The following PODNL1 variants were observed in gnomAD, a reference collection of about 807,000 sequenced individuals.
PODNL1 encodes podocan like 1.
PODNL1 carries 50 observed loss-of-function variants against 45.1 expected under a neutral mutation model. The ratio of observed to expected loss-of-function variants is 1.11; its 90% CI spans 0.88 to 1.40. The LOEUF is 1.40. Among genes scored for constraint, PODNL1 ranks in the 40% most tolerant of loss-of-function variants. The pLI is 0.00. For synonymous variants in PODNL1, 406 were observed against 372.5 expected, an observed-to-expected ratio of 1.09 and a Z score of -1.04; for missense variants, 788 against 793.3, an observed-to-expected ratio of 0.99 and a Z score of 0.08.
chr19:13,934,767 C>T lies in PODNL1; in HGVS notation c.495-357G>A, dbSNP rs1972220206. Among the ~76,000 whole-genome samples the T allele has an allele frequency of 3.3e-5, 5 of 151,412 alleles. No homozygotes were observed. The South Asian group carries it at 8.3e-4, about 25-fold the overall frequency. The stretch of plus-strand genomic sequence containing the variant: ...GTATATGCAAGTGTGTGCTATGTGC[C>T]TGTGCATAAGTGTGCATGGGTGAGT... On this transcript the variant is annotated intron_variant, in intron 5 of 9. Transcript: ENST00000588872.
chr19:13,935,120 A>G lies in PODNL1; in HGVS notation c.494+601T>C, dbSNP rs1972254003. Among the ~76,000 whole-genome samples, 4 of 151,588 alleles carry G rather than the reference A, an allele frequency of 2.6e-5. No individual in the cohort carries two copies. The South Asian group carries it at 8.3e-4, about 32-fold the overall frequency. On this transcript the variant is annotated intron_variant, in intron 5 of 9. Transcript: ENST00000588872. ...CATGTGTTCATGTGGTTGTGTGTGCAGGTGTGTATGTGAGTCTGTGTAAGT... is the reference window on the plus strand; with the variant it reads ...CATGTGTTCATGTGGTTGTGTGTGCGGGTGTGTATGTGAGTCTGTGTAAGT...
upstream of PODNL1, among the ~76,000 whole-genome samples, chr19:13,938,982 GCC>G: frequency 1.3e-5 from 2 of 152,116 alleles, no homozygotes; most frequent in African/African-American, 4.8e-5. Flanking sequence ...TCAGAACAGT[GCC>G]TGGCATATCC....
intron 1 of PODNL1, chr19:13,949,508 GT>G: frequency 6.6e-6 from 1 of 152,086 alleles, no homozygotes; most frequent in South Asian, 2.1e-4. Flanking sequence ...TAGAGACGAG[GT>G]CTTAACAGTT....
chr19:13,950,350 G>A (rs540485237), intron 1 of PODNL1, among the ~76,000 whole-genome samples: 48 of 152,064 alleles, frequency 3.2e-4, no homozygotes, highest in African/African-American at 1.1e-3. Context: ...TTGATGTTTT[G>A]TAGAGATGAG....
In PODNL1 at chr19:13,931,691, A is replaced by G; in HGVS notation, c.*46T>C. The G allele has an allele frequency of 8.1e-7, 1 of 1,231,474 alleles. No individual in the cohort carries two copies. Among genetic ancestry groups the G allele is most frequent in the East Asian group, 3.2e-5 (1 of 31,688 alleles). The allele number at this position is 1,231,474 out of a possible 1,614,324, so 76.3% of individuals were successfully genotyped here. A position where few individuals can be genotyped will look rare whatever the true frequency, so the allele number is the denominator to read the frequency against. ...GCGTTGTCTCCTCAGTCCACGGCCC[A>G]GCGGAGTCCCAGGAGTCTGAGCTGC... On this transcript the variant is annotated 3_prime_UTR_variant, in exon 10 of 10. Transcript: ENST00000588872.
chr19:13,932,855 G>C lies in PODNL1; in HGVS notation c.1368C>G (p.Asn456Lys). 1 of 1,611,728 alleles carries C rather than the reference G, an allele frequency of 6.2e-7. No homozygotes were observed. The highest frequency in any genetic ancestry group is 8.5e-7 in the Non-Finnish European group (1 of 1,179,528). Residue 456 changes from asparagine (N) to lysine (K), a missense_variant, in exon 8 of 10, where the codon AAC (asparagine) becomes AAG (lysine). By Grantham distance (94) the Asn-to-Lys change is moderately conservative. Around this residue, in one of 3 missense-constraint regions of PODNL1, gnomAD observed 762 missense variants for 750.9 expected, o/e 1.01. Transcript: ENST00000588872. ...DQLRELSLAHNRLRVGDIGPG... is the reference protein window; with the variant it reads ...DQLRELSLAHKRLRVGDIGPG... ...GCCCGATGTCGCCGACCCGGAGCCG[G>C]TTGTGCGCCAGGCTGAGCTCCCGCA...
exon 1 of PODNL1, chr19:13,953,190 G>A (rs1444458636): frequency 3.2e-5 from 47 of 1,484,942 alleles, no homozygotes; most frequent in Non-Finnish European, 4.1e-5. Flanking sequence ...CAGAGTGAGA[G>A]TTACCGAAGC....
At chr19:13,942,521 C>G (rs1287196694), upstream of PODNL1, among the ~76,000 whole-genome samples, 1 of 152,294 alleles carries the variant, frequency 6.6e-6, no homozygotes, top group Non-Finnish European at 1.5e-5. Flanking sequence ...GCAACAAACT[C>G]CCCTTCTGCC....
chr19:13,953,055 C>T (rs1973153162), intron 1 of PODNL1: 5 of 1,541,198 alleles, frequency 3.2e-6, no homozygotes, highest in East Asian at 2.5e-5. Flanking sequence ...CTTTGGGCTT[C>T]CTCCGCCTGA....
intron 8 of PODNL1, chr19:13,932,384 C>T (rs1972008820): frequency 4.1e-6 from 2 of 484,962 alleles, no homozygotes; most frequent in Non-Finnish European, 6.9e-6. Flanking sequence ...TTTCAAGAGA[C>T]AGGGTCTTGC....
intron 1 of PODNL1, among the ~76,000 whole-genome samples, chr19:13,952,086 T>C (rs1428671527): frequency 6.6e-6 from 1 of 152,242 alleles, no homozygotes; most frequent in Admixed American, 6.5e-5. Flanking sequence ...TTTGCCCACC[T>C]GGACCGGGCG....
rs567613608 is a variant in PODNL1 at position 13,933,314 on chromosome 19, C to G, written c.909G>C (p.Ala303=). The G allele has an allele frequency of 6.3e-7, 1 of 1,594,326 alleles. No homozygotes were observed. Among genetic ancestry groups the G allele is most frequent in the Admixed American group, 1.7e-5 (1 of 58,036 alleles). Residue 303 remains alanine, a synonymous_variant, in exon 8 of 10, where the codon GCG becomes GCC. Transcript: ENST00000588872. The surrounding 1 kb of genome is among the most constrained non-coding windows in gnomAD (Gnocchi z 5.2). ...GCAGCAACAAATAGCGCAGACCACG[C>G]GCCCCGTGCAGCCGAGCCGCCTCCA... is the stretch of plus-strand genomic sequence containing the variant. ...RQVEAARLHG[A]RGLRYLLLQH... is the part of the protein sequence containing the mutation.
rs561744178 is a variant in PODNL1 at position 13,932,154 on chromosome 19, C to G, written c.1426-42G>C. 1.0e-4 allele frequency: 127 copies of G among 1,235,756 alleles called. No homozygotes were observed. The South Asian group carries it at 4.4e-3, about 43-fold the overall frequency. 76.5% of individuals were successfully genotyped at this position (1,235,756 alleles called of 1,614,324 possible). On this transcript the variant is annotated intron_variant, in intron 8 of 9. Transcript: ENST00000588872. ...AGATGGCATCGTGGCAGCCCCAGGC[C>G]TGGGCCACTCAGCTCAGCCAGCCCC...
rs545216208 is a variant in PODNL1 at position 13,933,537 on chromosome 19, G to T, written c.768-82C>A. The T allele has an allele frequency of 1.1e-5, 15 of 1,387,442 alleles. No homozygotes were observed. The South Asian group carries it at 1.7e-4, about 16-fold the overall frequency. The allele number at this position is 1,387,442 out of a possible 1,614,324, so 85.9% of individuals were successfully genotyped here. On this transcript the variant is annotated intron_variant, in intron 7 of 9. Transcript: ENST00000588872. This position sits in a 1 kb window ranked among gnomAD's most constrained non-coding sequence, Gnocchi z 5.2. The stretch of plus-strand genomic sequence containing the variant: ...ATTTTGGCGGGGAGGCTGGGGAGTG[G>T]TCCTGAGACAGATTTAAGCTGGAGA...
intron 1 of PODNL1, chr19:13,952,524 C>T: frequency 1.6e-6 from 2 of 1,250,676 alleles, no homozygotes; most frequent in Non-Finnish European, 2.0e-6. Flanking sequence ...TGGCGCCCAG[C>T]TCGAAATCGG....
At chr19:13,945,194 C>T (rs1972774368) in intron 1 of PODNL1, among the ~76,000 whole-genome samples, 1 of 152,068 alleles carries the variant, frequency 6.6e-6, no homozygotes, top group South Asian at 2.1e-4. Flanking sequence ...CCACTGTGCC[C>T]TGTACATCTG....
At chr19:13,950,018 G>A (rs1972947061) in intron 1 of PODNL1, among the ~76,000 whole-genome samples, 1 of 151,366 alleles carries the variant, frequency 6.6e-6, no homozygotes, top group Admixed American at 6.6e-5. Context: ...TGCCACCTGA[G>A]ATTACAGGCC....
intron 1 of PODNL1, among the ~76,000 whole-genome samples, chr19:13,950,712 C>T (rs762594940): frequency 1.7e-4 from 26 of 152,048 alleles, no homozygotes; most frequent in Non-Finnish European, 3.2e-4. Context: ...TCTCCATGGA[C>T]GTAGGGTATG....
At position 13,932,049 on chromosome 19, in the gene PODNL1, C is replaced by T; in HGVS notation, c.1489G>A (p.Glu497Lys). 8.1e-7 allele frequency: 1 copy of T among 1,232,526 alleles called. No homozygotes were observed. The highest frequency in any genetic ancestry group is 1.5e-5 in the African/African-American group (1 of 64,548). 76.3% of individuals were successfully genotyped at this position (1,232,526 alleles called of 1,614,324 possible). A position where few individuals can be genotyped will look rare whatever the true frequency, so the allele number is the denominator to read the frequency against. ...ATGCGGTTGCCCTCGAGGTGCAGCT[C>T]CTCTAGGGCCTCAGGCAGGTCCGGG... ...VPPDLPEALE[E>K]LHLEGNRIGH... The change falls in exon 9 of 10, where the codon GAG (glutamate) becomes AAG (lysine). Residue 497 changes from glutamate to lysine, a missense_variant. Coordinates refer to ENST00000588872, the MANE Select transcript of PODNL1 (RefSeq NM_001370095.3).
Sources: allele counts gnomAD v4.1 joint callset (sites outside exome capture counted in the v4.1 genomes callset), GRCh38; gene constraint gnomAD v4.1.1; regional missense constraint gnomAD v4.1.1; non-coding constraint Gnocchi (gnomAD v3.1); transcripts MANE v1.5; gene names NCBI Gene and HGNC (gene_info 2026-07-23, HGNC 2026-07-21).